Variants in ACTR6 observed in about 807,000 individuals in gnomAD.
ACTR6 encodes actin-related protein 6.
Under a neutral mutation model 52.5 loss-of-function variants are expected in ACTR6, and 50 were observed. The ratio of observed to expected loss-of-function variants is 0.95; its 90% CI spans 0.76 to 1.20. The LOEUF (loss-of-function observed/expected upper bound fraction) is 1.20, where lower values mean the gene tolerates loss of function less well. Ranked by LOEUF, ACTR6 falls within the 50% of genes most tolerant of loss-of-function variation. The probability of loss-of-function intolerance (pLI) is 0.00; values close to 1 mark genes in which losing one functional copy is unlikely to be tolerated. For synonymous variants in ACTR6, 135 were observed against 147.2 expected, an observed-to-expected ratio of 0.92 and a Z score of 0.60; for missense variants, 344 against 472.4, an observed-to-expected ratio of 0.73 and a Z score of 2.52.
In ACTR6 at chr12:100,220,237, C is replaced by T. The variant is rs149422582; in HGVS notation, c.1061+91C>T. 8,119 of 1,295,324 alleles carry T rather than the reference C, an allele frequency of 6.3e-3. 43 individuals carry two copies. The highest frequency in any genetic ancestry group is 7.5e-3 in the Admixed American group (349 of 46,436). 80.2% of individuals were successfully genotyped at this position (1,295,324 alleles called of 1,614,324 possible). A position where few individuals can be genotyped will look rare whatever the true frequency, so the allele number is the denominator to read the frequency against. ...TTGAGTTTAAAACCTGGCTCTCCCA[C>T]GGTGGCAGGTTCATTTCACCTGCTG... On this transcript the variant is annotated intron_variant, in intron 10 of 10. Transcript: ENST00000188312.
At position 100,216,209 on chromosome 12, in the gene ACTR6, A is replaced by T. The variant is rs570523010; in HGVS notation, c.751-2206A>T. On this transcript the variant is annotated intron_variant, in intron 8 of 10. Transcript: ENST00000188312. Reference sequence around the variant, plus strand: ...CTCGTTCTATAGCCCAGGCTGGAGCACAGCGGTGTGATCACAGCTCACTGC... The same window carrying T: ...CTCGTTCTATAGCCCAGGCTGGAGCTCAGCGGTGTGATCACAGCTCACTGC... Among the ~76,000 whole-genome samples, 3 of 152,374 alleles carry T rather than the reference A, an allele frequency of 2.0e-5. No individual in the cohort carries two copies. In the Middle Eastern group the frequency reaches 0.01, roughly 518 times the overall value.
chr12:100,222,716 A>C (rs1031365177), intron 10 of ACTR6, among the ~76,000 whole-genome samples: 1 of 152,308 alleles, frequency 6.6e-6, no homozygotes, highest in Non-Finnish European at 1.5e-5. Context: ...ATATTGATTT[A>C]ACATTTTTCT....
intron 10 of ACTR6, 54 bp from the exon 11 acceptor site, chr12:100,223,732 G>C: frequency 3.8e-6 from 6 of 1,560,494 alleles, no homozygotes; most frequent in Non-Finnish European, 5.2e-6. Context: ...TATGTTTCAG[G>C]CATTTCAGTT....
intron 2 of ACTR6, 99 bp downstream of exon 2, chr12:100,205,156 C>G: frequency 3.1e-6 from 2 of 651,600 alleles, no homozygotes; most frequent in Non-Finnish European, 2.4e-6. Flanking sequence ...TAAATTTTAA[C>G]TACAACCTAA....
In ACTR6 at chr12:100,223,999, T is replaced by C. The variant is rs995688916; in HGVS notation, c.*84T>C. On this transcript the variant is annotated 3_prime_UTR_variant, in exon 11 of 11. Coordinates refer to ENST00000188312, the MANE Select transcript of ACTR6 (RefSeq NM_022496.5). ...AGAGGTTAAGGAACTGTGTTACCTT[T>C]TGTCCTAAGAAAAAGGCTTGAATTT... The C allele has an allele frequency of 4.1e-6, 6 of 1,454,322 alleles. No individual in the cohort carries two copies. The African/African-American group carries it at 7.2e-5, about 17-fold the overall frequency. The allele number at this position is 1,454,322 out of a possible 1,614,324, so 90.1% of individuals were successfully genotyped here. A position where few individuals can be genotyped will look rare whatever the true frequency, so the allele number is the denominator to read the frequency against.
intron 2 of ACTR6, 144 bp from the exon 3 acceptor site, chr12:100,205,532 C>G: frequency 2.1e-6 from 1 of 472,228 alleles, no homozygotes; most frequent in South Asian, 5.9e-5. Flanking sequence ...GAAATTCATA[C>G]AGCATTACAC....
chr12:100,220,402 T>G (rs566323712), intron 10 of ACTR6, among the ~76,000 whole-genome samples: 18 of 152,328 alleles, frequency 1.2e-4, no homozygotes, highest in Admixed American at 2.6e-4. Flanking sequence ...ATTACTCCCA[T>G]GTAGTAAATC....
At chr12:100,209,359 G>T (rs548692446) in intron 4 of ACTR6, among the ~76,000 whole-genome samples, 12 of 152,146 alleles carry the variant, frequency 7.9e-5, no homozygotes, top group Admixed American at 7.9e-4. Flanking sequence ...CTCTACAAAA[G>T]AAAATTAAAA....
intron 6 of ACTR6, among the ~76,000 whole-genome samples, chr12:100,211,225 TAA>T (rs147616542): frequency 0.026 from 4,032 of 152,224 alleles, 66 homozygotes; most frequent in Middle Eastern, 0.048. Context: ...CAAAAATGGA[TAA>T]GTGTTGAAGA....
intron 6 of ACTR6, among the ~76,000 whole-genome samples, chr12:100,211,917 CAGA>C (rs2153900438): frequency 6.6e-6 from 1 of 152,208 alleles, no homozygotes; most frequent in South Asian, 2.1e-4. Context: ...TTAATATAAT[CAGA>C]AAAGAAAGTG....
intron 3 of ACTR6, among the ~76,000 whole-genome samples, chr12:100,206,516 A>T (rs149505518): frequency 1.3e-3 from 199 of 151,432 alleles, no homozygotes; most frequent in African/African-American, 4.7e-3. Context: ...GTTTTTTTTT[A>T]TTATGATTTT....
At chr12:100,222,627 C>T (rs2096129234) in intron 10 of ACTR6, among the ~76,000 whole-genome samples, 1 of 152,076 alleles carries the variant, frequency 6.6e-6, no homozygotes, top group African/African-American at 2.4e-5. Context: ...CTTTGAACTC[C>T]TGGGTCCAAG....
rs114779823 is a variant in ACTR6, at chr12:100,219,675, T to C, written c.923-333T>C. On this transcript the variant is annotated intron_variant, in intron 9 of 10. Coordinates refer to ENST00000188312, the MANE Select transcript of ACTR6 (RefSeq NM_022496.5). Reference sequence around the variant, plus strand: ...CCCCTTCCATTTTAGAGAAGAATAATTATAATTACCAACTGTTTTTTTTAC... The same window carrying C: ...CCCCTTCCATTTTAGAGAAGAATAACTATAATTACCAACTGTTTTTTTTAC... 6.7e-3 allele frequency among the ~76,000 whole-genome samples: 1,027 copies of C among 152,296 alleles called. 7 individuals carry two copies. The highest frequency in any genetic ancestry group is 0.023 in the African/African-American group (968 of 41,558).
Position 100,205,006 on chromosome 12 carries a change from A to T in ACTR6, c.135A>T (p.Ile45=), listed in dbSNP as rs1739997334. The change falls in exon 2 of 11, where the codon ATA becomes ATT. Residue 45 remains isoleucine, a synonymous_variant. Coordinates refer to ENST00000188312, the MANE Select transcript of ACTR6 (RefSeq NM_022496.5). ...TTAAAACTTTTACTGCCAACCAGAT[A>T]GATGAAATAAAAGACCCTTCTGGAC... is the stretch of plus-strand genomic sequence containing the variant. The part of the protein sequence containing the change: ...ARLKTFTANQ[I]DEIKDPSGLF... 2 of 1,612,512 alleles carry T rather than the reference A, an allele frequency of 1.2e-6. No individual in the cohort carries two copies. The highest frequency in any genetic ancestry group is 2.7e-5 in the African/African-American group (2 of 74,904).
At chr12:100,220,637 C>T (rs1355107912) in intron 10 of ACTR6, among the ~76,000 whole-genome samples, 1 of 152,114 alleles carries the variant, frequency 6.6e-6, no homozygotes, top group African/African-American at 2.4e-5. Context: ...TGTTTTATGT[C>T]TACCCTGTAC....
intron 1 of ACTR6, among the ~76,000 whole-genome samples, 163 bp from the exon 2 acceptor site, chr12:100,204,777 C>T (rs562203929): frequency 6.6e-5 from 10 of 152,332 alleles, no homozygotes; most frequent in East Asian, 1.9e-4. Flanking sequence ...TAGGCATGAG[C>T]CCCCACTCCC....
chr12:100,220,389 G>A (rs1389541776), intron 10 of ACTR6, among the ~76,000 whole-genome samples: 1 of 152,110 alleles, frequency 6.6e-6, no homozygotes, highest in Non-Finnish European at 1.5e-5. Flanking sequence ...AGTATATGGG[G>A]TGATTACTCC....
At chr12:100,209,983 T>A in intron 4 of ACTR6, 90 bp from the exon 5 acceptor site, 2 of 1,136,098 alleles carry the variant, frequency 1.8e-6, no homozygotes, top group African/African-American at 3.1e-5. Context: ...GGAACATTTT[T>A]GTCTTGGTGC....
In ACTR6 at chr12:100,204,713, G is replaced by C. The variant is rs2096113077; in HGVS notation, c.69-227G>C. ...AGGTTCTGGCTATGTTGTCTAGGCTGGTCTTGAACTCCTGGTCTCAAGCAA... is the reference window on the plus strand; with the variant it reads ...AGGTTCTGGCTATGTTGTCTAGGCTCGTCTTGAACTCCTGGTCTCAAGCAA... On this transcript the variant is annotated intron_variant, in intron 1 of 10. Coordinates refer to ENST00000188312, the MANE Select transcript of ACTR6 (RefSeq NM_022496.5). Among the ~76,000 whole-genome samples the C allele has an allele frequency of 3.3e-5, 5 of 152,098 alleles. 1 individual carries two copies. In the South Asian group the frequency reaches 1.0e-3, roughly 32 times the overall value.
Sources: allele counts gnomAD v4.1 joint callset (sites outside exome capture counted in the v4.1 genomes callset), GRCh38; gene constraint gnomAD v4.1.1; transcripts MANE v1.5; gene names NCBI Gene and HGNC (gene_info 2026-07-23, HGNC 2026-07-21).